Variants in LINGO2 observed in about 807,000 individuals in gnomAD.
The protein encoded by LINGO2 is leucine-rich repeat and immunoglobulin-like domain-containing nogo receptor-interacting protein 2.
In LINGO2, 14 loss-of-function variants were observed where a neutral mutation model predicts 30.6. The ratio of observed to expected loss-of-function variants is 0.46; its 90% CI spans 0.30 to 0.72. The LOEUF is 0.72. Ranked by LOEUF, LINGO2 falls within the 30% of genes least tolerant of loss-of-function variation. The pLI, the probability that LINGO2 is intolerant of heterozygous loss-of-function variation, is 0.07. For missense variants in LINGO2, 729 were observed against 751.7 expected (o/e 0.97, Z 0.35); for synonymous variants, 317 against 288.5 (o/e 1.10, Z -1.00).
At chr9:27,939,363 T>C in the LINGO2 span, 2 of 152,250 alleles carry the variant, frequency 1.3e-5, no homozygotes, top group Non-Finnish European at 1.5e-5. Flanking sequence ...ACAGCTGCCC[T>C]ATATTGAAAC....
At chr9:28,912,376 T>A in the LINGO2 span, among the ~76,000 whole-genome samples, 2 of 152,076 alleles carry the variant, frequency 1.3e-5, no homozygotes, top group Non-Finnish European at 2.9e-5. Flanking sequence ...CCTCCACTCA[T>A]CTAGTCATTT....
intron 2 of LINGO2, among the ~76,000 whole-genome samples, chr9:28,436,371 T>A (rs1012698411): frequency 5.3e-5 from 8 of 152,098 alleles, no homozygotes; most frequent in Admixed American, 3.3e-4. Flanking sequence ...ATTGTCAGGA[T>A]TCTGGCAGGA....
At chr9:28,438,071 CA>C (rs1368708758) in intron 2 of LINGO2, among the ~76,000 whole-genome samples, 1 of 152,112 alleles carries the variant, frequency 6.6e-6, no homozygotes, top group Non-Finnish European at 1.5e-5. Flanking sequence ...TTCCTTGTCA[CA>C]CCAAAGGCCT....
At chr9:28,517,245 A>G (rs955139484) in intron 1 of LINGO2, among the ~76,000 whole-genome samples, 1 of 152,062 alleles carries the variant, frequency 6.6e-6, no homozygotes, top group African/African-American at 2.4e-5. Context: ...CCCCCACCAC[A>G]GCTGCCACTC....
chr9:28,119,983 A>G (rs570450720), intron 4 of LINGO2, among the ~76,000 whole-genome samples: 1 of 152,334 alleles, frequency 6.6e-6, no homozygotes, highest in East Asian at 1.9e-4. Flanking sequence ...TATTGTGGAG[A>G]AGATAGAGAA....
At chr9:28,424,886 T>C (rs1823341136) in intron 2 of LINGO2, among the ~76,000 whole-genome samples, 1 of 152,098 alleles carries the variant, frequency 6.6e-6, no homozygotes, top group South Asian at 2.1e-4. Context: ...GTTTGAGTCC[T>C]TTCAACCATA....
the LINGO2 span, among the ~76,000 whole-genome samples, chr9:28,998,529 A>G: frequency 6.6e-6 from 1 of 152,142 alleles, no homozygotes; most frequent in Non-Finnish European, 1.5e-5. Context: ...TTAAAATGAA[A>G]CAATTACCCT....
chr9:28,687,149 G>C, the LINGO2 span, among the ~76,000 whole-genome samples: 3 of 152,024 alleles, frequency 2.0e-5, no homozygotes, highest in Middle Eastern at 3.2e-3. Flanking sequence ...ACACAGAATA[G>C]AAAACACTAA....
intron 1 of LINGO2, among the ~76,000 whole-genome samples, chr9:28,635,426 T>C (rs527538940): frequency 6.6e-6 from 1 of 152,200 alleles, no homozygotes; most frequent in South Asian, 2.1e-4. Flanking sequence ...GCTTAACTTA[T>C]AAGATACAGT....
the LINGO2 span, among the ~76,000 whole-genome samples, chr9:29,072,628 T>C: frequency 6.7e-6 from 1 of 149,728 alleles, no homozygotes; most frequent in East Asian, 2.0e-4. Flanking sequence ...TATATATATA[T>C]ATCAAGAGTC....
rs367813655 is a variant in LINGO2 at position 28,463,096 on chromosome 9, C to T, written c.-279+12844G>A. On this transcript the variant is annotated intron_variant, in intron 2 of 5. Coordinates refer to ENST00000379992, the Ensembl canonical transcript of LINGO2. ...ATTATCCTCAGGGAGTGATTAATAGCGCTTTTTTTTTTCCTATCAAAAGTT... is the reference window on the plus strand; with the variant it reads ...ATTATCCTCAGGGAGTGATTAATAGTGCTTTTTTTTTTCCTATCAAAAGTT... 2.1e-4 allele frequency among the ~76,000 whole-genome samples: 32 copies of T among 151,860 alleles called. 1 individual carries two copies. The East Asian group carries it at 3.7e-3, about 17-fold the overall frequency.
the LINGO2 span, among the ~76,000 whole-genome samples, chr9:28,783,824 A>G: frequency 6.6e-6 from 1 of 152,306 alleles, no homozygotes; most frequent in Non-Finnish European, 1.5e-5. Context: ...GAGCTCTGGA[A>G]GCTGCACAGT....
chr9:28,425,896 A>G (rs1422377692), intron 2 of LINGO2, among the ~76,000 whole-genome samples: 1 of 152,014 alleles, frequency 6.6e-6, no homozygotes, highest in East Asian at 1.9e-4. Context: ...TTATTGTTAA[A>G]TGTAGATAAA....
chr9:28,075,050 T>G (rs1170763357), intron 4 of LINGO2, among the ~76,000 whole-genome samples: 1 of 151,842 alleles, frequency 6.6e-6, no homozygotes, highest in African/African-American at 2.4e-5. Context: ...TCTACATCAC[T>G]GAAGTTTCTC....
chr9:28,661,891 G>A lies in LINGO2; in HGVS notation c.-365+8309C>T, dbSNP rs570648588. ...AGTATTCATGAGAACAAGAGAACAG[G>A]GGTGGCAGGAGGTATTTTTAACAAA... On this transcript the variant is annotated intron_variant, in intron 1 of 5. Transcript: ENST00000379992. Among the ~76,000 whole-genome samples the A allele has an allele frequency of 2.6e-4, 39 of 152,184 alleles. 1 individual carries two copies. In the South Asian group the frequency reaches 7.3e-3, roughly 28 times the overall value.
intron 1 of LINGO2, among the ~76,000 whole-genome samples, chr9:28,553,126 C>T (rs908625163): frequency 6.6e-5 from 10 of 152,074 alleles, no homozygotes; most frequent in African/African-American, 2.2e-4. Flanking sequence ...TCCTCACCAG[C>T]AACGGAACAA....
At chr9:28,281,921 A>C (rs974612699) in intron 4 of LINGO2, among the ~76,000 whole-genome samples, 3 of 152,098 alleles carry the variant, frequency 2.0e-5, no homozygotes, top group Admixed American at 2.0e-4. Context: ...CCTGTTTCCA[A>C]ACAGGAAACA....
At chr9:27,977,790 G>A (rs73439741) in intron 5 of LINGO2, among the ~76,000 whole-genome samples, 15,769 of 141,718 alleles carry the variant, frequency 0.11, 1,673 homozygotes, top group African/African-American at 0.27. Context: ...CCAGGGGAAA[G>A]AAAAAAAAAA....
the LINGO2 span, among the ~76,000 whole-genome samples, chr9:28,685,125 T>C: frequency 6.6e-6 from 1 of 152,200 alleles, no homozygotes; most frequent in Non-Finnish European, 1.5e-5. Flanking sequence ...TAATGGCTTC[T>C]AGCCCTGTCC....
Sources: allele counts gnomAD v4.1 joint callset (sites outside exome capture counted in the v4.1 genomes callset), GRCh38; gene constraint gnomAD v4.1.1; transcripts MANE v1.5; gene names NCBI Gene and HGNC (gene_info 2026-07-23, HGNC 2026-07-21).